MYL1: variants seen among roughly 807,000 people sequenced by gnomAD.
MYL1 encodes the protein myosin light chain 1.
A neutral mutation model predicts 21.8 loss-of-function variants in MYL1; 16 were observed. The observed-to-expected ratio is 0.74, with a 90% CI of 0.50 to 1.12. The LOEUF is 1.12. Ranked by LOEUF, MYL1 falls within the 50% of genes most tolerant of loss-of-function variation. The probability of loss-of-function intolerance (pLI) is 0.00; values close to 1 mark genes in which losing one functional copy is unlikely to be tolerated. For missense variants in MYL1, 246 were observed against 241.0 expected (o/e 1.02, Z -0.14); for synonymous variants, 99 against 85.2 (o/e 1.16, Z -0.89).
chr2:210,314,835 A>T, intron 1 of MYL1, 76 bp downstream of exon 1: 1 of 1,503,466 alleles, frequency 6.7e-7, no homozygotes, highest in Non-Finnish European at 9.2e-7. Context: ...TGAAAAATAC[A>T]CGCCTTTGCA....
At chr2:210,292,393 C>CA (rs5838199) in intron 5 of MYL1, among the ~76,000 whole-genome samples, 72,051 of 152,004 alleles carry the variant, frequency 0.47, 17,147 homozygotes, top group Middle Eastern at 0.62. Context: ...TTTTAATTTG[C>CA]TTTTTAAAAA....
intron 3 of MYL1, among the ~76,000 whole-genome samples, chr2:210,296,171 C>A (rs998790596): frequency 6.6e-6 from 1 of 152,074 alleles, no homozygotes; most frequent in Non-Finnish European, 1.5e-5. Flanking sequence ...TTGACACATA[C>A]TAATTGTATG....
chr2:210,304,241 A>G (rs997732394), intron 1 of MYL1, among the ~76,000 whole-genome samples: 2 of 152,108 alleles, frequency 1.3e-5, no homozygotes, highest in African/African-American at 4.8e-5. Context: ...GCTTTTCATC[A>G]TTCTCCTTTA....
chr2:210,313,223 A>G (rs1040899013), intron 1 of MYL1, among the ~76,000 whole-genome samples: 7 of 151,960 alleles, frequency 4.6e-5, no homozygotes, highest in Non-Finnish European at 1.0e-4. Context: ...TCTTAGGTAA[A>G]GAGGTACATT....
At position 210,291,017 on chromosome 2, in the gene MYL1, G is replaced by A. The variant is rs185578053; in HGVS notation, c.*14+15C>T. The A allele has an allele frequency of 2.1e-4, 330 of 1,544,822 alleles. 1 individual carries two copies. Among genetic ancestry groups the A allele is most frequent in the Non-Finnish European group, 3.0e-5 (34 of 1,136,722 alleles). On this transcript the variant is annotated intron_variant, in intron 6 of 6. Coordinates refer to ENST00000352451, the MANE Select transcript of MYL1 (RefSeq NM_079420.3). Reference sequence around the variant, plus strand: ...CAAGAAATCCTTAAATATTAAAGAGGGAACTGGTATATACCTTGAGAGCTC... The same window carrying A: ...CAAGAAATCCTTAAATATTAAAGAGAGAACTGGTATATACCTTGAGAGCTC...
At chr2:210,307,394 C>T (rs1470919558) in intron 1 of MYL1, among the ~76,000 whole-genome samples, 3 of 152,164 alleles carry the variant, frequency 2.0e-5, no homozygotes, top group Non-Finnish European at 4.4e-5. Flanking sequence ...ATCCTAAGCT[C>T]CCCCTTCAAA....
chr2:210,304,476 T>C (rs939975149), intron 1 of MYL1, among the ~76,000 whole-genome samples: 2 of 152,200 alleles, frequency 1.3e-5, no homozygotes, highest in African/African-American at 4.8e-5. Flanking sequence ...ACTCTATGGC[T>C]CAGTCCCTAG....
At chr2:210,296,608 G>A (rs992639440) in intron 3 of MYL1, among the ~76,000 whole-genome samples, 6 of 152,032 alleles carry the variant, frequency 3.9e-5, no homozygotes, top group African/African-American at 1.4e-4. Flanking sequence ...AACATGGCAA[G>A]GTCCTATCTC....
intron 1 of MYL1, among the ~76,000 whole-genome samples, chr2:210,308,399 A>AATATATATATATATATATATATAT (rs71043988): frequency 1.2e-5 from 1 of 84,772 alleles, no homozygotes; most frequent in African/African-American, 5.3e-5. Context: ...TACTTAGGCT[A>AATATATATATATATATATATATAT]ATATATATAT....
At chr2:210,298,084 A>T (rs1360904464) in intron 3 of MYL1, among the ~76,000 whole-genome samples, 1 of 152,134 alleles carries the variant, frequency 6.6e-6, no homozygotes, top group African/African-American at 2.4e-5. Flanking sequence ...AATTATGAAC[A>T]TTCGAAATGA....
At chr2:210,294,886 C>T (rs537667434) in intron 3 of MYL1, among the ~76,000 whole-genome samples, 10 of 152,234 alleles carry the variant, frequency 6.6e-5, no homozygotes, top group African/African-American at 2.2e-4. Flanking sequence ...TGGATTAATA[C>T]AGTAAAACTT....
chr2:210,295,742 T>C (rs1170486956), intron 3 of MYL1, among the ~76,000 whole-genome samples: 1 of 151,300 alleles, frequency 6.6e-6, no homozygotes, highest in Non-Finnish European at 1.5e-5. Flanking sequence ...CAGGATTGCT[T>C]GAGCCTGGGA....
chr2:210,300,705 T>A (rs1690252363), intron 2 of MYL1, among the ~76,000 whole-genome samples: 1 of 152,114 alleles, frequency 6.6e-6, no homozygotes, highest in South Asian at 2.1e-4. Context: ...GGATTTTAAA[T>A]TTTATTTTTA....
At chr2:210,309,072 A>G (rs1690380470) in intron 1 of MYL1, among the ~76,000 whole-genome samples, 2 of 152,050 alleles carry the variant, frequency 1.3e-5, no homozygotes, top group African/African-American at 2.4e-5. Context: ...GTGTCTTTTG[A>G]TGAAATAACT....
rs1264424500 is a variant in MYL1, at chr2:210,314,421, ATCT to A, written c.132+487_132+489del. ...GGAGAATTAACTTGAATTGCAAAAA[ATCT>A]TCTTTTTCAGAAGAAGGAAAGTAAC... is the stretch of plus-strand genomic sequence containing the variant. On this transcript the variant is annotated intron_variant, in intron 1 of 6. Coordinates refer to ENST00000352451, the MANE Select transcript of MYL1 (RefSeq NM_079420.3). Among the ~76,000 whole-genome samples, 5 of 152,212 alleles carry A rather than the reference ATCT, an allele frequency of 3.3e-5. No individual in the cohort carries two copies. The South Asian group carries it at 8.3e-4, about 25-fold the overall frequency.
intron 3 of MYL1, among the ~76,000 whole-genome samples, chr2:210,296,966 T>C (rs1690182369): frequency 6.6e-6 from 1 of 150,718 alleles, no homozygotes; most frequent in Non-Finnish European, 1.5e-5. Flanking sequence ...TAAAATTTCA[T>C]TTTTTATGGT....
At chr2:210,295,077 C>T (rs1690151729) in intron 3 of MYL1, among the ~76,000 whole-genome samples, 2 of 152,036 alleles carry the variant, frequency 1.3e-5, no homozygotes, top group South Asian at 2.1e-4. Context: ...ACTTTATTAT[C>T]TTCTGACAAG....
At chr2:210,302,665 A>C in intron 1 of MYL1, 150 bp from the exon 2 acceptor site, 1 of 1,507,032 alleles carries the variant, frequency 6.6e-7, no homozygotes, top group Admixed American at 2.0e-5. Flanking sequence ...CTTGGACACT[A>C]ACAGGTTAAG....
At chr2:210,292,821 TC>T (rs1431041620) in intron 5 of MYL1, among the ~76,000 whole-genome samples, 6 of 152,214 alleles carry the variant, frequency 3.9e-5, no homozygotes, top group Non-Finnish European at 7.3e-5. Context: ...GACTTTATTT[TC>T]TAGATGACTG....
Sources: allele counts gnomAD v4.1 joint callset (sites outside exome capture counted in the v4.1 genomes callset), GRCh38; gene constraint gnomAD v4.1.1; transcripts MANE v1.5; gene names NCBI Gene and HGNC (gene_info 2026-07-23, HGNC 2026-07-21).